The following B3GAT1 variants were observed in gnomAD, a reference collection of about 807,000 sequenced individuals.
B3GAT1 encodes the protein beta-1,3-glucuronyltransferase 1, also known as galactosylgalactosylxylosylprotein 3-beta-glucuronosyltransferase 1.
B3GAT1 carries 11 observed loss-of-function variants against 28.4 expected under a neutral mutation model. That is an observed-to-expected ratio of 0.39 (90% confidence interval 0.24 to 0.64). The LOEUF (loss-of-function observed/expected upper bound fraction) is 0.64. Ranked by LOEUF, B3GAT1 falls within the 30% of genes least tolerant of loss-of-function variation. The pLI is 0.50. For missense variants in B3GAT1, 375 were observed against 491.0 expected (o/e 0.76, Z 2.23); for synonymous variants, 255 against 223.1 (o/e 1.14, Z -1.27).
chr11:134,395,222 G>A (rs1944481007), intron 1 of B3GAT1, among the ~76,000 whole-genome samples: 1 of 152,216 alleles, frequency 6.6e-6, no homozygotes, highest in African/African-American at 2.4e-5. Context: ...GGGCGGGTGG[G>A]GAAGCGGGGA....
At chr11:134,405,580 G>A (rs1944716063) in intron 1 of B3GAT1, among the ~76,000 whole-genome samples, 1 of 152,152 alleles carries the variant, frequency 6.6e-6, no homozygotes, top group African/African-American at 2.4e-5. Flanking sequence ...GAGAGGAGGT[G>A]AGGGGCCCTG....
At chr11:134,385,926 CA>C (rs1265989493) in intron 2 of B3GAT1, 1 of 152,270 alleles carries the variant, frequency 6.6e-6, no homozygotes, top group Non-Finnish European at 1.5e-5. Flanking sequence ...CAGTGCTTAG[CA>C]AACAGCCTGA....
intron 1 of B3GAT1, among the ~76,000 whole-genome samples, chr11:134,406,424 T>A (rs1944735121): frequency 6.6e-6 from 1 of 151,930 alleles, no homozygotes; most frequent in African/African-American, 2.4e-5. Context: ...GCTTTCCTCA[T>A]CTCATTCTAG....
intron 1 of B3GAT1, among the ~76,000 whole-genome samples, chr11:134,404,062 C>T (rs1944682243): frequency 7.3e-6 from 1 of 136,684 alleles, no homozygotes; most frequent in African/African-American, 2.8e-5. Context: ...GGTACATGTG[C>T]ACAATGTGCA....
intron 1 of B3GAT1, among the ~76,000 whole-genome samples, chr11:134,397,485 C>T (rs542094755): frequency 3.7e-4 from 56 of 152,348 alleles, no homozygotes; most frequent in African/African-American, 1.2e-3. Flanking sequence ...TGGTGAGATG[C>T]AACGTGGCCC....
chr11:134,394,536 T>G (rs1306940661), intron 1 of B3GAT1, among the ~76,000 whole-genome samples: 3 of 151,958 alleles, frequency 2.0e-5, no homozygotes, highest in African/African-American at 7.2e-5. Context: ...TTTCATCCCC[T>G]GCATGGCCTA....
rs563489922 is a variant in B3GAT1, at chr11:134,393,127, C to T, written c.-281-5187G>A. Among the ~76,000 whole-genome samples the T allele has an allele frequency of 4.3e-4, 65 of 152,180 alleles. No individual in the cohort carries two copies. The highest frequency in any genetic ancestry group is 1.3e-3 in the African/African-American group (52 of 41,520). On this transcript the variant is annotated intron_variant, in intron 1 of 5. Coordinates refer to ENST00000312527, the MANE Select transcript of B3GAT1 (RefSeq NM_054025.3). The surrounding 1 kb of genome is among the most constrained non-coding windows in gnomAD (Gnocchi z 4.0). The stretch of plus-strand genomic sequence containing the variant: ...GTTACAAACAAGCTCAGACACTGTC[C>T]GAGGTACTCATCCCTGGAGGACGAG...
intron 1 of B3GAT1, among the ~76,000 whole-genome samples, chr11:134,401,855 G>A (rs982168544): frequency 4.6e-5 from 7 of 152,038 alleles, no homozygotes; most frequent in African/African-American, 9.7e-5. Context: ...ACCAGCCTTC[G>A]GGCAGCCTTT....
At position 134,387,723 on chromosome 11, in the gene B3GAT1, C is replaced by T. The variant is rs140143910; in HGVS notation, c.-64G>A. ...AGTGGCGGTAAGTTCAGGAGAGGGG[C>T]GGCCACGGGCGGCGGCAGCACAGGG... On this transcript the variant is annotated 5_prime_UTR_variant, in exon 2 of 6. Coordinates refer to ENST00000312527, the MANE Select transcript of B3GAT1 (RefSeq NM_054025.3). The T allele has an allele frequency of 1.7e-3, 2,778 of 1,600,716 alleles. 40 individuals are homozygous for T. The Admixed American group carries it at 0.02, about 12-fold the overall frequency.
chr11:134,382,396 T>C (rs1232139398), intron 4 of B3GAT1, among the ~76,000 whole-genome samples: 1 of 130,140 alleles, frequency 7.7e-6, no homozygotes, highest in Non-Finnish European at 1.7e-5. Flanking sequence ...TGTGTGCATG[T>C]GTGTGCATCT....
chr11:134,383,302 G>A (rs756284126), intron 3 of B3GAT1, among the ~76,000 whole-genome samples: 4 of 152,058 alleles, frequency 2.6e-5, no homozygotes, highest in Non-Finnish European at 5.9e-5. Context: ...CAGTCTCCCC[G>A]CTCTAGAGTG....
chr11:134,408,193 C>T (rs1944771500), intron 1 of B3GAT1, among the ~76,000 whole-genome samples: 1 of 150,674 alleles, frequency 6.6e-6, no homozygotes, highest in Non-Finnish European at 1.5e-5. Context: ...TGCACCGATT[C>T]CAGTGGGGTG....
At chr11:134,407,996 G>C (rs1944766584) in intron 1 of B3GAT1, among the ~76,000 whole-genome samples, 1 of 152,052 alleles carries the variant, frequency 6.6e-6, no homozygotes, top group African/African-American at 2.4e-5. Context: ...ACGACCATTT[G>C]CTGATAAATT....
intron 1 of B3GAT1, among the ~76,000 whole-genome samples, chr11:134,398,652 G>A (rs951302682): frequency 2.6e-5 from 4 of 150,980 alleles, no homozygotes; most frequent in African/African-American, 7.4e-5. Flanking sequence ...GCACTCCTCT[G>A]GGCAGCAGTG....
chr11:134,388,036 G>A (rs530773572), intron 1 of B3GAT1, 96 bp from the exon 2 acceptor site: 102 of 446,774 alleles, frequency 2.3e-4, no homozygotes, highest in Admixed American at 1.9e-3. Flanking sequence ...AGCATCGGGG[G>A]TTCCACAATG....
chr11:134,386,179 G>A (rs1449612059), intron 2 of B3GAT1: 1 of 152,250 alleles, frequency 6.6e-6, no homozygotes, highest in Non-Finnish European at 1.5e-5. Flanking sequence ...CCTCATGGAA[G>A]CTTCAGGAAC....
intron 1 of B3GAT1, among the ~76,000 whole-genome samples, chr11:134,401,835 C>T (rs1012720036): frequency 9.2e-5 from 14 of 152,154 alleles, no homozygotes; most frequent in Non-Finnish European, 2.1e-4. Context: ...TTCCTCATGG[C>T]TCAGTGGCGA....
At position 134,393,219 on chromosome 11, in the gene B3GAT1, C is replaced by T. The variant is rs201062123; in HGVS notation, c.-281-5279G>A. ...GGTTCATCAAAAAAGTCCATTAAGG[C>T]GAAGAATCTTTCCAAATGATACATA... On this transcript the variant is annotated intron_variant, in intron 1 of 5. Transcript: ENST00000312527. The surrounding 1 kb of genome is among the most constrained non-coding windows in gnomAD (Gnocchi z 4.0). 2.6e-5 allele frequency among the ~76,000 whole-genome samples: 4 copies of T among 152,266 alleles called. No individual in the cohort carries two copies. Among genetic ancestry groups the T allele is most frequent in the East Asian group, 3.9e-4 (2 of 5,188 alleles).
Position 134,393,737 on chromosome 11 carries a change from G to A in B3GAT1, c.-281-5797C>T, listed in dbSNP as rs1472589958. ...ACTGACTCTTGAGGGCGTGGGCTCAGTGGTGACAGCAGAGGGAGCCCCAGG... is the reference window on the plus strand; with the variant it reads ...ACTGACTCTTGAGGGCGTGGGCTCAATGGTGACAGCAGAGGGAGCCCCAGG... On this transcript the variant is annotated intron_variant, in intron 1 of 5. Coordinates refer to ENST00000312527, the MANE Select transcript of B3GAT1 (RefSeq NM_054025.3). The surrounding 1 kb of genome is among the most constrained non-coding windows in gnomAD (Gnocchi z 4.0). Among the ~76,000 whole-genome samples the A allele has an allele frequency of 6.6e-6, 1 of 152,222 alleles. No homozygotes were observed. Among genetic ancestry groups the A allele is most frequent in the African/African-American group, 2.4e-5 (1 of 41,470 alleles).
Sources: gnomAD v4.1 joint callset for allele counts (sites outside exome capture counted in the v4.1 genomes callset) on GRCh38, gnomAD v4.1.1 for gene constraint, Gnocchi (gnomAD v3.1) non-coding constraint, MANE v1.5 for transcripts, NCBI Gene and HGNC (gene_info 2026-07-23, HGNC 2026-07-21) for gene names.